The following PCDHGA12 variants were observed in gnomAD, a reference collection of about 807,000 sequenced individuals.
The protein encoded by PCDHGA12 is protocadherin gamma subfamily A, 12.
In PCDHGA12, 43 loss-of-function variants were observed where a neutral mutation model predicts 61.1. The observed-to-expected ratio is 0.70, with a 90% CI of 0.55 to 0.91. PCDHGA12 has a LOEUF of 0.91. PCDHGA12 is among the 40% of genes least tolerant of loss of function. The pLI, the probability that PCDHGA12 is intolerant of heterozygous loss-of-function variation, is 0.00. For synonymous variants in PCDHGA12, 520 were observed against 542.9 expected, an observed-to-expected ratio of 0.96 and a Z score of 0.59; for missense variants, 1,236 against 1,227.7, an observed-to-expected ratio of 1.01 and a Z score of -0.10.
intron 1 of PCDHGA12, among the ~76,000 whole-genome samples, chr5:141,446,325 T>G (rs1440954528): frequency 3.9e-5 from 6 of 152,124 alleles, no homozygotes; most frequent in African/African-American, 1.4e-4. Flanking sequence ...GTTTCCACAT[T>G]AAGGAACTGG....
intron 1 of PCDHGA12, among the ~76,000 whole-genome samples, chr5:141,435,652 G>A (rs978809372): frequency 3.9e-5 from 6 of 152,226 alleles, no homozygotes; most frequent in East Asian, 1.9e-4. Flanking sequence ...TTTCTGAAAC[G>A]TGCACAGATT....
In PCDHGA12 at chr5:141,491,163, C is replaced by T; in HGVS notation, c.2425-3644C>T. On this transcript the variant is annotated intron_variant, in intron 1 of 3. Transcript: ENST00000252085. The surrounding 1 kb of genome is among the most constrained non-coding windows in gnomAD (Gnocchi z 6.9). ...CCTTACTGGAGGATGACTCTGACAC[C>T]CAGCAGGTGGTGGTCCTGGTGAGGG... is the stretch of plus-strand genomic sequence containing the variant. 1 of 1,614,092 alleles carries T rather than the reference C, an allele frequency of 6.2e-7. No homozygotes were observed. Among genetic ancestry groups the T allele is most frequent in the Non-Finnish European group, 8.5e-7 (1 of 1,179,950 alleles).
chr5:141,499,599 C>G (rs2099792919), intron 2 of PCDHGA12, among the ~76,000 whole-genome samples: 2 of 152,102 alleles, frequency 1.3e-5, no homozygotes, highest in South Asian at 4.1e-4. Context: ...TCACCTATAT[C>G]CCTACCCTTA....
In PCDHGA12 at chr5:141,490,052, A is replaced by G. The variant is rs774710472; in HGVS notation, c.2425-4755A>G. 11 of 1,614,098 alleles carry G rather than the reference A, an allele frequency of 6.8e-6. No homozygotes were observed. The highest frequency in any genetic ancestry group is 9.3e-6 in the Non-Finnish European group (11 of 1,180,014). On this transcript the variant is annotated intron_variant, in intron 1 of 3. Transcript: ENST00000252085. The surrounding 1 kb of genome is among the most constrained non-coding windows in gnomAD (Gnocchi z 5.4). ...CGCCTCAATGCCACTGATCCAGACG[A>G]GGGCACCAACGGCCAACTAGACTAT... is the stretch of plus-strand genomic sequence containing the variant.
chr5:141,430,868 G>A lies in PCDHGA12; in HGVS notation c.109G>A (p.Glu37Lys), dbSNP rs1414256124. ...CACCCAGATACGCTATTCAGTTCCG[G>A]AAGAGCTGGAGAAAGGCTCTAGGGT... is the stretch of plus-strand genomic sequence containing the variant. Reference protein sequence around the residue: ...GCTQIRYSVPEELEKGSRVGD... With the variant: ...GCTQIRYSVPKELEKGSRVGD... Residue 37 changes from glutamate (E) to lysine (K), a missense_variant, in exon 1 of 4, where the codon GAA (glutamate) becomes AAA (lysine). Physicochemically the swap from Glu to Lys is moderately conservative, Grantham distance 56. Transcript: ENST00000252085. 6.3e-7 allele frequency: 1 copy of A among 1,597,104 alleles called. No individual in the cohort carries two copies. Among genetic ancestry groups the A allele is most frequent in the Admixed American group, 1.8e-5 (1 of 56,506 alleles).
Position 141,431,297 on chromosome 5 carries a change from C to G in PCDHGA12, c.538C>G (p.Leu180Val). Reference sequence around the variant, plus strand: ...GCTCAGCCCGAACACTCACTTCTCCCTCATCGTGCAAAATGGAGCCGACGG... The same window carrying G: ...GCTCAGCCCGAACACTCACTTCTCCGTCATCGTGCAAAATGGAGCCGACGG... The part of the protein sequence containing the change: ...YELSPNTHFS[L>V]IVQNGADGSK... The change falls in exon 1 of 4, where the codon CTC (leucine) becomes GTC (valine). Residue 180 changes from leucine to valine, a missense_variant. Leu to Val is a conservative substitution (Grantham distance 32, BLOSUM62 1). Transcript: ENST00000252085. The surrounding 1 kb of genome is among the most constrained non-coding windows in gnomAD (Gnocchi z 4.8). The G allele has an allele frequency of 6.2e-7, 1 of 1,614,126 alleles. No individual in the cohort carries two copies. The highest frequency in any genetic ancestry group is 8.5e-7 in the Non-Finnish European group (1 of 1,180,036).
At chr5:141,482,957 C>A (rs2099575063) in intron 1 of PCDHGA12, among the ~76,000 whole-genome samples, 2 of 57,944 alleles carry the variant, frequency 3.5e-5, no homozygotes, top group Admixed American at 1.5e-4. Context: ...CCTGTAATTC[C>A]AGCTACTTGA....
rs964965013 is a variant in PCDHGA12 at position 141,489,097 on chromosome 5, C to G, written c.2425-5710C>G. The G allele has an allele frequency of 6.4e-6, 2 of 313,448 alleles. No homozygotes were observed. The highest frequency in any genetic ancestry group is 1.1e-4 in the South Asian group (2 of 18,596). 19.4% of individuals were successfully genotyped at this position (313,448 alleles called of 1,614,324 possible). The stretch of plus-strand genomic sequence containing the variant: ...ACCCCCGCCACTCGGTGACTAAGAA[C>G]TGCTGCAAGCAGGCAAACCTCCGAG... On this transcript the variant is annotated intron_variant, in intron 1 of 3. Coordinates refer to ENST00000252085, the MANE Select transcript of PCDHGA12 (RefSeq NM_003735.3). This position sits in a 1 kb window ranked among gnomAD's most constrained non-coding sequence, Gnocchi z 4.5.
In PCDHGA12 at chr5:141,432,278, A is replaced by G. The variant is rs923930127; in HGVS notation, c.1519A>G (p.Ile507Val). The change falls in exon 1 of 4, where the codon ATC (isoleucine) becomes GTC (valine). Residue 507 changes from isoleucine to valine, a missense_variant. Physicochemically the swap from Ile to Val is conservative, Grantham distance 29 (BLOSUM62 3). Transcript: ENST00000252085. The surrounding 1 kb of genome is among the most constrained non-coding windows in gnomAD (Gnocchi z 6.0). ...QGASLSSYVS[I>V]NSDTGVLYAL... ...GGCAAGCCTATCGTCCTACGTGTCC[A>G]TCAACTCCGACACTGGGGTACTGTA... 3.7e-5 allele frequency: 59 copies of G among 1,614,078 alleles called. No individual in the cohort carries two copies. Among genetic ancestry groups the G allele is most frequent in the Non-Finnish European group, 4.7e-5 (55 of 1,180,036 alleles).
chr5:141,488,292 G>A (rs961688781), intron 1 of PCDHGA12, among the ~76,000 whole-genome samples: 1 of 152,216 alleles, frequency 6.6e-6, no homozygotes, highest in African/African-American at 2.4e-5. Flanking sequence ...AAAACAGTAA[G>A]TGAAATCACT....
intron 1 of PCDHGA12, among the ~76,000 whole-genome samples, chr5:141,455,907 ATTTATTTT>A (rs1199495676): frequency 7.1e-5 from 9 of 126,872 alleles, no homozygotes; most frequent in African/African-American, 1.1e-4. Context: ...TTATTTATTT[ATTTATTTT>A]GAGACGGAGT....
chr5:141,481,913 C>CA (rs34114744), intron 1 of PCDHGA12, among the ~76,000 whole-genome samples: 1,134 of 90,654 alleles, frequency 0.013, 16 homozygotes, highest in East Asian at 0.053. Flanking sequence ...AACTCCATCT[C>CA]AAAAAAAAAA....
chr5:141,470,262 A>C (rs924170384), intron 1 of PCDHGA12, among the ~76,000 whole-genome samples: 2 of 152,126 alleles, frequency 1.3e-5, no homozygotes, highest in African/African-American at 4.8e-5. Context: ...CTAAATGGAG[A>C]TACATGTTTG....
At position 141,433,063 on chromosome 5, in the gene PCDHGA12, G is replaced by T. The variant is rs1411651811; in HGVS notation, c.2304G>T (p.Leu768=). 3.1e-6 allele frequency: 5 copies of T among 1,614,176 alleles called. No individual in the cohort carries two copies. Among genetic ancestry groups the T allele is most frequent in the Non-Finnish European group, 4.2e-6 (5 of 1,180,028 alleles). The change falls in exon 1 of 4, where the codon CTG becomes CTT. Residue 768 remains leucine (L), a synonymous_variant. Transcript: ENST00000252085. ...SLTTDSRKSH[L]IFPQPNYADM... is the part of the protein sequence containing the mutation. ...CCACGGACTCGCGGAAGAGTCACCT[G>T]ATCTTCCCCCAGCCCAACTATGCAG...
intron 1 of PCDHGA12, among the ~76,000 whole-genome samples, chr5:141,434,467 T>C (rs1397980716): frequency 6.6e-6 from 1 of 152,226 alleles, no homozygotes; most frequent in Non-Finnish European, 1.5e-5. Flanking sequence ...TTTACCGGAA[T>C]GAGGGCAAGG....
intron 1 of PCDHGA12, among the ~76,000 whole-genome samples, chr5:141,439,270 A>G (rs1381185021): frequency 6.6e-6 from 1 of 152,140 alleles, no homozygotes; most frequent in African/African-American, 2.4e-5. Flanking sequence ...CCAACAGTTC[A>G]TTCTGAGACT....
At chr5:141,492,189 G>C (rs2099737936) in intron 1 of PCDHGA12, among the ~76,000 whole-genome samples, 1 of 152,204 alleles carries the variant, frequency 6.6e-6, no homozygotes, top group Non-Finnish European at 1.5e-5. Context: ...GCACCTGTCT[G>C]CGGGACTTAG....
intron 1 of PCDHGA12, among the ~76,000 whole-genome samples, chr5:141,451,611 G>C (rs1004906441): frequency 6.6e-6 from 1 of 152,166 alleles, no homozygotes; most frequent in Admixed American, 6.5e-5. Context: ...GCTAGGCATG[G>C]TGGCTCAAAC....
Position 141,491,889 on chromosome 5 carries a change from C to T in PCDHGA12, c.2425-2918C>T, listed in dbSNP as rs2099734763. On this transcript the variant is annotated intron_variant, in intron 1 of 3. Transcript: ENST00000252085. The surrounding 1 kb of genome is among the most constrained non-coding windows in gnomAD (Gnocchi z 6.9). ...GAGTGGCCGATTAAGGGATGGGGCT[C>T]CGAGCACCGGGGGTGGTGGCGACTG... 11 of 1,441,360 alleles carry T rather than the reference C, an allele frequency of 7.6e-6. No individual in the cohort carries two copies. Among genetic ancestry groups the T allele is most frequent in the Non-Finnish European group, 1.0e-5 (11 of 1,090,600 alleles). 89.3% of individuals were successfully genotyped at this position (1,441,360 alleles called of 1,614,324 possible).
Sources: gnomAD v4.1 joint callset for allele counts (sites outside exome capture counted in the v4.1 genomes callset) on GRCh38, gnomAD v4.1.1 for gene constraint, Gnocchi (gnomAD v3.1) non-coding constraint, MANE v1.5 for transcripts, NCBI Gene and HGNC (gene_info 2026-07-23, HGNC 2026-07-21) for gene names.